The following FGF1 variants were observed in gnomAD, a reference collection of about 807,000 sequenced individuals.
FGF1 encodes the protein beta-endothelial cell growth factor.
FGF1 carries 9 observed loss-of-function variants against 13.4 expected under a neutral mutation model. The ratio of observed to expected loss-of-function variants is 0.67; its 90% CI spans 0.40 to 1.17. FGF1 has a LOEUF of 1.17. Ranked by LOEUF, FGF1 falls within the 50% of genes most tolerant of loss-of-function variation. FGF1 has a pLI of 0.01. For synonymous variants in FGF1, 93 were observed against 79.0 expected (o/e 1.18, Z -0.94); for missense variants, 156 against 192.7 (o/e 0.81, Z 1.13).
chr5:142,678,219 T>C (rs1196656371), intron 1 of FGF1, among the ~76,000 whole-genome samples: 1 of 152,168 alleles, frequency 6.6e-6, no homozygotes, highest in African/African-American at 2.4e-5. Context: ...TCCCTTACAG[T>C]ATGCTTCAGG....
intron 2 of FGF1, among the ~76,000 whole-genome samples, chr5:142,609,083 C>G (rs1374774014): frequency 6.6e-6 from 1 of 151,960 alleles, no homozygotes; most frequent in South Asian, 2.1e-4. Flanking sequence ...GTGATCCCAA[C>G]CAGAAAATAG....
At position 142,592,217 on chromosome 5, in the gene FGF1, C is replaced by G. The variant is rs1754391130; in HGVS notation, c.*3073G>C. On this transcript the variant is annotated 3_prime_UTR_variant, in exon 4 of 4. Coordinates refer to ENST00000337706, the MANE Select transcript of FGF1 (RefSeq NM_000800.5). ...AACATTTATTAATATTTGTAAGGTGCAGACTATGATACACAAAAAGACAGT... is the reference window on the plus strand; with the variant it reads ...AACATTTATTAATATTTGTAAGGTGGAGACTATGATACACAAAAAGACAGT... 1 of 397,082 alleles carries G rather than the reference C, an allele frequency of 2.5e-6. No individual in the cohort carries two copies. Among genetic ancestry groups the G allele is most frequent in the Non-Finnish European group, 4.4e-6 (1 of 225,476 alleles). 24.6% of individuals were successfully genotyped at this position (397,082 alleles called of 1,614,324 possible).
At chr5:142,608,583 T>TATAC (rs1462719140) in intron 2 of FGF1, among the ~76,000 whole-genome samples, 35 of 59,820 alleles carry the variant, frequency 5.9e-4, no homozygotes, top group Non-Finnish European at 9.2e-4. Context: ...TATATATATA[T>TATAC]ACACACACAC....
chr5:142,613,111 C>T lies in FGF1; in HGVS notation c.169+848G>A, dbSNP rs1170397784. Among the ~76,000 whole-genome samples the T allele has an allele frequency of 3.9e-5, 6 of 152,210 alleles. No individual in the cohort carries two copies. The East Asian group carries it at 1.2e-3, about 29-fold the overall frequency. ...CCCTCTAAGCAGGGACTGGATCTGA[C>T]TTTAGGCTTCTTTGTAACCTCTGAT... On this transcript the variant is annotated intron_variant, in intron 2 of 3. Coordinates refer to ENST00000337706, the MANE Select transcript of FGF1 (RefSeq NM_000800.5).
In FGF1 at chr5:142,621,940, C is replaced by T. The variant is rs1167447495; in HGVS notation, c.-34-7779G>A. 2.0e-5 allele frequency among the ~76,000 whole-genome samples: 3 copies of T among 152,202 alleles called. No homozygotes were observed. The East Asian group carries it at 5.8e-4, about 29-fold the overall frequency. On this transcript the variant is annotated intron_variant, in intron 1 of 3. Coordinates refer to ENST00000337706, the MANE Select transcript of FGF1 (RefSeq NM_000800.5). ...TCTCAATTCCTCATGAAAGCCTTTC[C>T]TGTCTTCCCTGAACTGAGTCAGGTT...
chr5:142,641,745 C>A (rs1288816726), intron 1 of FGF1, among the ~76,000 whole-genome samples: 2 of 151,810 alleles, frequency 1.3e-5, no homozygotes, highest in Non-Finnish European at 2.9e-5. Flanking sequence ...GAGAAATTAA[C>A]TCCCAGGGCT....
chr5:142,638,384 G>A (rs748883830), intron 1 of FGF1, among the ~76,000 whole-genome samples: 12 of 152,068 alleles, frequency 7.9e-5, no homozygotes, highest in Non-Finnish European at 1.0e-4. Context: ...CGGAGGCCTC[G>A]CACTAGTTAT....
At chr5:142,633,249 C>T (rs1199777941) in intron 1 of FGF1, among the ~76,000 whole-genome samples, 1 of 152,174 alleles carries the variant, frequency 6.6e-6, no homozygotes, top group Non-Finnish European at 1.5e-5. Flanking sequence ...TCTTTGCCAA[C>T]TATCCCATTA....
chr5:142,684,772 G>A (rs1774367286), intron 1 of FGF1, among the ~76,000 whole-genome samples: 1 of 152,234 alleles, frequency 6.6e-6, no homozygotes, highest in African/African-American at 2.4e-5. Flanking sequence ...TGATGCCACT[G>A]CTGCTGGCTC....
At chr5:142,692,024 T>C (rs1394270762) in intron 2 of FGF1, among the ~76,000 whole-genome samples, 4 of 152,176 alleles carry the variant, frequency 2.6e-5, no homozygotes, top group Admixed American at 1.3e-4. Context: ...GATTTGTCAA[T>C]TGATGATTAA....
intron 1 of FGF1, among the ~76,000 whole-genome samples, chr5:142,642,740 G>A (rs1765399128): frequency 1.3e-5 from 2 of 152,232 alleles, no homozygotes; most frequent in Non-Finnish European, 2.9e-5. Flanking sequence ...CCAAAGAGCT[G>A]TGTGTGTTGG....
intron 1 of FGF1, among the ~76,000 whole-genome samples, chr5:142,619,388 C>T (rs1761016705): frequency 6.6e-6 from 1 of 152,178 alleles, no homozygotes; most frequent in Non-Finnish European, 1.5e-5. Context: ...CCAGCATATA[C>T]AAAACAGGCC....
intron 1 of FGF1, among the ~76,000 whole-genome samples, chr5:142,644,928 G>C (rs1765767737): frequency 6.6e-6 from 1 of 152,216 alleles, no homozygotes; most frequent in Non-Finnish European, 1.5e-5. Context: ...TAACTCGCCA[G>C]CTTTCTGATA....
At chr5:142,600,479 CTG>C (rs1756269550) in intron 3 of FGF1, among the ~76,000 whole-genome samples, 2 of 152,198 alleles carry the variant, frequency 1.3e-5, no homozygotes, top group Non-Finnish European at 2.9e-5. Context: ...AATCTTTACT[CTG>C]TGTTTATATG....
At chr5:142,647,352 T>C (rs189305195) in intron 1 of FGF1, among the ~76,000 whole-genome samples, 2 of 152,206 alleles carry the variant, frequency 1.3e-5, no homozygotes, top group Non-Finnish European at 2.9e-5. Flanking sequence ...CTTGAAGTCC[T>C]TTTCCTTTGT....
chr5:142,672,809 A>G (rs1382316674), intron 1 of FGF1, among the ~76,000 whole-genome samples: 1 of 151,922 alleles, frequency 6.6e-6, no homozygotes, highest in South Asian at 2.1e-4. Flanking sequence ...CCTGCCTTCT[A>G]TGCAGTTTTT....
At chr5:142,616,832 A>C (rs1486978637) in intron 1 of FGF1, among the ~76,000 whole-genome samples, 1 of 152,190 alleles carries the variant, frequency 6.6e-6, no homozygotes, top group African/African-American at 2.4e-5. Flanking sequence ...CCTTCCTTAA[A>C]ATACAACTAA....
chr5:142,605,804 CT>C (rs1757529047), intron 2 of FGF1, among the ~76,000 whole-genome samples: 1 of 152,230 alleles, frequency 6.6e-6, no homozygotes, highest in African/African-American at 2.4e-5. Flanking sequence ...AACACCCAGG[CT>C]GAGCGGCTTG....
At chr5:142,634,531 C>G (rs1376279822) in intron 1 of FGF1, among the ~76,000 whole-genome samples, 1 of 152,212 alleles carries the variant, frequency 6.6e-6, no homozygotes, top group Non-Finnish European at 1.5e-5. Flanking sequence ...TGCCACTAAG[C>G]AGATGTGTGA....
Sources: gnomAD v4.1 joint callset for allele counts (sites outside exome capture counted in the v4.1 genomes callset) on GRCh38, gnomAD v4.1.1 for gene constraint, MANE v1.5 for transcripts, NCBI Gene and HGNC (gene_info 2026-07-23, HGNC 2026-07-21) for gene names.